The following CNTN5 variants were observed in gnomAD, a reference collection of about 807,000 sequenced individuals.
The protein encoded by CNTN5 is contactin-5.
CNTN5 carries 77 observed loss-of-function variants against 129.1 expected under a neutral mutation model. That is an observed-to-expected ratio of 0.60 (90% CI 0.50 to 0.72). The LOEUF (loss-of-function observed/expected upper bound fraction) is 0.72. Ranked by LOEUF, CNTN5 falls within the 30% of genes least tolerant of loss-of-function variation. The pLI, the probability that CNTN5 is intolerant of heterozygous loss-of-function variation, is 0.00. For missense variants in CNTN5, 1,478 were observed against 1,328.8 expected, an observed-to-expected ratio of 1.11 and a Z score of -1.75; for synonymous variants, 509 against 465.6, an observed-to-expected ratio of 1.09 and a Z score of -1.20.
chr11:99,631,800 C>A (rs1300731700), intron 3 of CNTN5, among the ~76,000 whole-genome samples: 1 of 151,998 alleles, frequency 6.6e-6, no homozygotes, highest in Non-Finnish European at 1.5e-5. Context: ...AGTAGTCTCC[C>A]CTTATCAGCA....
intron 1 of CNTN5, among the ~76,000 whole-genome samples, chr11:99,213,312 T>C (rs1371062322): frequency 1.4e-5 from 2 of 145,238 alleles, no homozygotes; most frequent in East Asian, 2.0e-4. Context: ...AATATATACA[T>C]ATATAAAATA....
intron 1 of CNTN5, among the ~76,000 whole-genome samples, chr11:99,108,293 A>G (rs1446067316): frequency 1.3e-5 from 2 of 152,220 alleles, no homozygotes; most frequent in African/African-American, 4.8e-5. Flanking sequence ...GATCTAATTT[A>G]GATCCTAGAA....
chr11:99,888,308 T>C (rs185933193), intron 6 of CNTN5, among the ~76,000 whole-genome samples: 63 of 152,290 alleles, frequency 4.1e-4, no homozygotes, highest in African/African-American at 1.5e-3. Flanking sequence ...AAAATTCAAA[T>C]GTAAAGAATA....
At chr11:99,997,056 C>A (rs1939496786) in intron 8 of CNTN5, among the ~76,000 whole-genome samples, 1 of 152,158 alleles carries the variant, frequency 6.6e-6, no homozygotes, top group Non-Finnish European at 1.5e-5. Context: ...TACCTTGACT[C>A]ATTTTAGCAT....
rs1002496759 is a variant in CNTN5, at chr11:100,107,457, G to GCTTATTTC, written c.1580+33165_1580+33172dup. Reference sequence around the variant, plus strand: ...AATGCATTAGATTACAGAATCACAGGCTTATTTCCAGATGCTGCAACTATA... The same window carrying GCTTATTTC: ...AATGCATTAGATTACAGAATCACAGGCTTATTTCCTTATTTCCAGATGCTGCAACTATA... On this transcript the variant is annotated intron_variant, in intron 13 of 24. Coordinates refer to ENST00000524871, the MANE Select transcript of CNTN5 (RefSeq NM_014361.4). Among the ~76,000 whole-genome samples, 12 of 150,052 alleles carry GCTTATTTC rather than the reference G, an allele frequency of 8.0e-5. No homozygotes were observed. In the South Asian group the frequency reaches 8.5e-4, roughly 11 times the overall value.
intron 16 of CNTN5, among the ~76,000 whole-genome samples, chr11:100,246,656 TA>T (rs1333368672): frequency 6.6e-6 from 1 of 152,146 alleles, no homozygotes; most frequent in Non-Finnish European, 1.5e-5. Context: ...TAGTAACATT[TA>T]ACAAATTTGA....
At chr11:100,110,207 A>T (rs1565249937) in intron 13 of CNTN5, among the ~76,000 whole-genome samples, 1 of 145,112 alleles carries the variant, frequency 6.9e-6, no homozygotes, top group East Asian at 1.9e-4. Flanking sequence ...AAAAGAAAAG[A>T]AAAAGAAAAG....
At chr11:99,233,495 A>T in intron 1 of CNTN5, among the ~76,000 whole-genome samples, 1 of 152,170 alleles carries the variant, frequency 6.6e-6, no homozygotes, top group Non-Finnish European at 1.5e-5. Context: ...GTCAAATAAT[A>T]ATATTCTTTG....
At chr11:100,240,999 GAC>G (rs1186065525) in intron 16 of CNTN5, among the ~76,000 whole-genome samples, 1 of 152,134 alleles carries the variant, frequency 6.6e-6, no homozygotes, top group Admixed American at 6.6e-5. Context: ...GAATTCTAAT[GAC>G]ACATACACAG....
chr11:99,710,871 C>G (rs1182145528), intron 3 of CNTN5, among the ~76,000 whole-genome samples: 1 of 151,810 alleles, frequency 6.6e-6, no homozygotes. Flanking sequence ...AACTTAGTTA[C>G]TAAAACATAT....
At chr11:100,056,846 A>G (rs1189074519) in intron 9 of CNTN5, among the ~76,000 whole-genome samples, 2 of 151,770 alleles carry the variant, frequency 1.3e-5, no homozygotes, top group African/African-American at 4.8e-5. Context: ...CAAGGATTCC[A>G]TAGGAGGTAA....
chr11:99,783,858 A>G (rs1220385379), intron 3 of CNTN5, among the ~76,000 whole-genome samples: 1 of 151,832 alleles, frequency 6.6e-6, no homozygotes, highest in Non-Finnish European at 1.5e-5. Flanking sequence ...ATTGGGAGAT[A>G]TACCTAATGC....
At chr11:100,065,972 T>C (rs1345398007) in intron 10 of CNTN5, among the ~76,000 whole-genome samples, 1 of 151,916 alleles carries the variant, frequency 6.6e-6, no homozygotes, top group Non-Finnish European at 1.5e-5. Context: ...TGATTCCTGG[T>C]TAATAATTTC....
At chr11:99,262,887 T>C (rs1862707355) in intron 1 of CNTN5, among the ~76,000 whole-genome samples, 3 of 152,056 alleles carry the variant, frequency 2.0e-5, no homozygotes, top group African/African-American at 7.2e-5. Context: ...TACTTTACTG[T>C]TGATTCTTAA....
At chr11:99,554,369 C>T (rs1212000159) in intron 2 of CNTN5, among the ~76,000 whole-genome samples, 1 of 152,078 alleles carries the variant, frequency 6.6e-6, no homozygotes, top group East Asian at 1.9e-4. Context: ...TACTGAAGAT[C>T]CTTTGCTACT....
chr11:100,090,508 TCCC>T (rs1944726596), intron 13 of CNTN5, among the ~76,000 whole-genome samples: 1 of 47,780 alleles, frequency 2.1e-5, no homozygotes, highest in Admixed American at 2.0e-4. Flanking sequence ...CTTTCCTCCC[TCCC>T]TCCCTCCCTC....
Position 100,089,977 on chromosome 11 carries a change from G to A in CNTN5, c.1580+15683G>A, listed in dbSNP as rs185322230. On this transcript the variant is annotated intron_variant, in intron 13 of 24. Transcript: ENST00000524871. ...CCTAGGTGATGGGTTGACAGGTGCA[G>A]CAAACCACCATGGCAGACGTTTACC... Among the ~76,000 whole-genome samples the A allele has an allele frequency of 7.9e-5, 12 of 152,192 alleles. No homozygotes were observed. The East Asian group carries it at 2.3e-3, about 29-fold the overall frequency.
chr11:100,131,189 G>C (rs1452262490), intron 13 of CNTN5, among the ~76,000 whole-genome samples: 3 of 152,228 alleles, frequency 2.0e-5, no homozygotes, highest in Non-Finnish European at 2.9e-5. Flanking sequence ...AGAGAAGCAA[G>C]AGTGGGTACA....
At chr11:100,317,097 G>A (rs1372310617) in intron 21 of CNTN5, among the ~76,000 whole-genome samples, 1 of 152,178 alleles carries the variant, frequency 6.6e-6, no homozygotes, top group Admixed American at 6.5e-5. Flanking sequence ...TGCACTGAAA[G>A]GACAGCAATT....
Sources: gnomAD v4.1 joint callset for allele counts (sites outside exome capture counted in the v4.1 genomes callset) on GRCh38, gnomAD v4.1.1 for gene constraint, MANE v1.5 for transcripts, NCBI Gene and HGNC (gene_info 2026-07-23, HGNC 2026-07-21) for gene names.